Variants in MDGA2 observed in about 807,000 individuals in gnomAD.
MDGA2 encodes MAM domain containing glycosylphosphatidylinositol anchor 2.
In MDGA2, 40 loss-of-function variants were observed where a neutral mutation model predicts 117.8. The observed-to-expected ratio is 0.34, with a 90% confidence interval of 0.26 to 0.44. The LOEUF is 0.44. MDGA2 is among the 20% of genes least tolerant of loss of function. The pLI is 1.00. For synonymous variants in MDGA2, 452 were observed against 439.0 expected (o/e 1.03, Z -0.37); for missense variants, 1,123 against 1,250.6 (o/e 0.90, Z 1.54).
At chr14:47,106,876 T>C (rs1479679091) in intron 5 of MDGA2, among the ~76,000 whole-genome samples, 13 of 136,654 alleles carry the variant, frequency 9.5e-5, no homozygotes, top group Admixed American at 1.5e-4. Context: ...CCAACTCTGG[T>C]GCCAACTTAG....
At chr14:46,924,490 T>C (rs10129232) in intron 9 of MDGA2, among the ~76,000 whole-genome samples, 1,885 of 152,134 alleles carry the variant, frequency 0.012, 17 homozygotes, top group Non-Finnish European at 0.021. Context: ...TTTTGGAAAA[T>C]AGACTGTATG....
intron 1 of MDGA2, chr14:47,343,227 G>GT: frequency 4.4e-6 from 5 of 1,135,420 alleles, no homozygotes; most frequent in East Asian, 7.0e-5. Context: ...TTGTTTGTTT[G>GT]TTTTTTTCAG....
chr14:47,580,712 T>C (rs1896214357), intron 1 of MDGA2, among the ~76,000 whole-genome samples: 1 of 152,032 alleles, frequency 6.6e-6, no homozygotes, highest in African/African-American at 2.4e-5. Context: ...TTTTTTTTCT[T>C]TGAAACAATA....
intron 9 of MDGA2, among the ~76,000 whole-genome samples, chr14:46,939,828 T>A (rs1434256594): frequency 6.6e-6 from 1 of 152,208 alleles, no homozygotes; most frequent in African/African-American, 2.4e-5. Context: ...CGAAGCTACA[T>A]TTTGAACTCA....
intron 6 of MDGA2, among the ~76,000 whole-genome samples, chr14:47,073,703 A>C (rs1890378715): frequency 3.3e-5 from 5 of 152,150 alleles, no homozygotes; most frequent in Admixed American, 3.3e-4. Flanking sequence ...GGTGCCTGAG[A>C]ATTCGGGGAT....
chr14:47,576,242 C>T (rs1896113597), intron 1 of MDGA2, among the ~76,000 whole-genome samples: 2 of 151,864 alleles, frequency 1.3e-5, no homozygotes, highest in South Asian at 4.1e-4. Flanking sequence ...TAAGCAAAAA[C>T]AAAAAACATA....
chr14:47,503,421 C>CT (rs1180360462), intron 1 of MDGA2, among the ~76,000 whole-genome samples: 15,986 of 133,674 alleles, frequency 0.12, 1,195 homozygotes, highest in African/African-American at 0.18. Context: ...CCTCTACTAC[C>CT]TTTTTTTTTT....
At chr14:47,563,044 G>A (rs1321003261) in intron 1 of MDGA2, among the ~76,000 whole-genome samples, 3 of 151,992 alleles carry the variant, frequency 2.0e-5, no homozygotes, top group Non-Finnish European at 4.4e-5. Flanking sequence ...TTATGGTTTT[G>A]AGTCATTTTT....
At chr14:47,400,166 T>G (rs2068986) in intron 1 of MDGA2, among the ~76,000 whole-genome samples, 117,084 of 151,936 alleles carry the variant, frequency 0.77, 45,343 homozygotes, top group Middle Eastern at 0.85. Context: ...GCATATTCCT[T>G]TACTATGATT....
chr14:47,546,188 T>G (rs1361219168), intron 1 of MDGA2, among the ~76,000 whole-genome samples: 4 of 152,120 alleles, frequency 2.6e-5, no homozygotes, highest in Admixed American at 2.6e-4. Flanking sequence ...CATTTTAACA[T>G]GAACTTGGAA....
chr14:47,388,925 T>C (rs1225295622), intron 1 of MDGA2, among the ~76,000 whole-genome samples: 1 of 152,212 alleles, frequency 6.6e-6, no homozygotes, highest in East Asian at 1.9e-4. Context: ...TCCCGATGGA[T>C]ACACTGACTG....
At chr14:47,501,153 A>C (rs1231203783) in intron 1 of MDGA2, among the ~76,000 whole-genome samples, 1 of 152,202 alleles carries the variant, frequency 6.6e-6, no homozygotes, top group African/African-American at 2.4e-5. Context: ...TCTGAATATT[A>C]CTACCAGTTT....
intron 8 of MDGA2, among the ~76,000 whole-genome samples, chr14:46,985,783 G>A (rs11627056): frequency 0.29 from 44,215 of 151,844 alleles, 8,195 homozygotes; most frequent in Non-Finnish European, 0.42. Context: ...ACACTTTTAC[G>A]GACCTTACAT....
chr14:47,389,226 T>G (rs1028765273), intron 1 of MDGA2, among the ~76,000 whole-genome samples: 1 of 152,184 alleles, frequency 6.6e-6, no homozygotes, highest in African/African-American at 2.4e-5. Flanking sequence ...GTGTATACTT[T>G]GGATCCATGA....
At chr14:47,271,678 C>T (rs1888148156) in intron 2 of MDGA2, among the ~76,000 whole-genome samples, 1 of 151,462 alleles carries the variant, frequency 6.6e-6, no homozygotes, top group South Asian at 2.1e-4. Context: ...CCATTCTTTT[C>T]TCCCTTTAGA....
intron 1 of MDGA2, among the ~76,000 whole-genome samples, chr14:47,336,239 T>C (rs1890452937): frequency 6.6e-6 from 1 of 151,802 alleles, no homozygotes; most frequent in Non-Finnish European, 1.5e-5. Context: ...ACACAAGTCA[T>C]CACTGACCAC....
intron 8 of MDGA2, among the ~76,000 whole-genome samples, chr14:46,983,876 A>G (rs1209165658): frequency 6.6e-6 from 1 of 151,998 alleles, no homozygotes; most frequent in Non-Finnish European, 1.5e-5. Context: ...CTCTCAATAA[A>G]ATTAGTTTGA....
At chr14:47,186,109 C>A (rs1446215694) in intron 3 of MDGA2, among the ~76,000 whole-genome samples, 1 of 151,238 alleles carries the variant, frequency 6.6e-6, no homozygotes, top group Non-Finnish European at 1.5e-5. Context: ...CCAAATTAAA[C>A]AAAATAAATT....
intron 8 of MDGA2, among the ~76,000 whole-genome samples, chr14:47,001,658 C>T (rs975862840): frequency 1.6e-4 from 25 of 151,976 alleles, no homozygotes; most frequent in African/African-American, 6.0e-4. Context: ...GCAAACTACA[C>T]AAAATGTAAT....
Sources: gnomAD v4.1 joint callset for allele counts (sites outside exome capture counted in the v4.1 genomes callset) on GRCh38, gnomAD v4.1.1 for gene constraint, MANE v1.5 for transcripts, NCBI Gene and HGNC (gene_info 2026-07-23, HGNC 2026-07-21) for gene names.